RC3H1: variants seen among roughly 807,000 people sequenced by gnomAD.
RC3H1 encodes roquin-1.
In RC3H1, 50 loss-of-function variants were observed where a neutral mutation model predicts 138.2. That is an observed-to-expected ratio of 0.36 (90% confidence interval 0.29 to 0.46). The LOEUF (loss-of-function observed/expected upper bound fraction) is 0.46, where lower values mean the gene tolerates loss of function less well. Among genes scored for constraint, RC3H1 ranks in the 20% least tolerant of loss-of-function variants. The pLI, the probability that RC3H1 is intolerant of heterozygous loss-of-function variation, is 1.00. For missense variants in RC3H1, 1,031 were observed against 1,388.1 expected, an observed-to-expected ratio of 0.74 and a Z score of 4.09; for synonymous variants, 462 against 489.1, an observed-to-expected ratio of 0.94 and a Z score of 0.73.
intron 13 of RC3H1, among the ~76,000 whole-genome samples, chr1:173,952,361 G>C (rs1416083167): frequency 7.1e-5 from 8 of 112,024 alleles, no homozygotes; most frequent in South Asian, 2.8e-4. Context: ...TTAGCTTTCA[G>C]GTTTTTTTTT....
chr1:173,948,605 TTTTG>T (rs766386698), intron 14 of RC3H1, among the ~76,000 whole-genome samples: 16 of 152,072 alleles, frequency 1.1e-4, no homozygotes, highest in Non-Finnish European at 1.8e-4. Flanking sequence ...GATTGCAACT[TTTTG>T]TTTGTTTGTT....
At chr1:173,951,622 G>A (rs1309594938) in intron 14 of RC3H1, among the ~76,000 whole-genome samples, 3 of 151,958 alleles carry the variant, frequency 2.0e-5, no homozygotes, top group Non-Finnish European at 2.9e-5. Flanking sequence ...CTCACTGCAC[G>A]CTCTGGCCTC....
intron 1 of RC3H1, among the ~76,000 whole-genome samples, chr1:174,006,992 G>A (rs1367910386): frequency 6.6e-6 from 1 of 151,704 alleles, no homozygotes; most frequent in Non-Finnish European, 1.5e-5. Context: ...ATCTCAAAAG[G>A]CCCCCCCTCA....
intron 14 of RC3H1, among the ~76,000 whole-genome samples, chr1:173,949,170 A>T (rs1432577276): frequency 2.1e-5 from 3 of 145,958 alleles, no homozygotes; most frequent in African/African-American, 7.6e-5. Flanking sequence ...TATTTATGCT[A>T]TTAGATATCA....
At chr1:173,988,034 C>T (rs1661102790) in intron 2 of RC3H1, among the ~76,000 whole-genome samples, 1 of 152,172 alleles carries the variant, frequency 6.6e-6, no homozygotes, top group Non-Finnish European at 1.5e-5. Context: ...TAATATCTTT[C>T]TCTATCTTTA....
At chr1:173,993,311 C>A (rs1354485539) in intron 1 of RC3H1, among the ~76,000 whole-genome samples, 176 bp from the exon 2 acceptor site, 1 of 143,484 alleles carries the variant, frequency 7.0e-6, no homozygotes, top group Non-Finnish European at 1.5e-5. Flanking sequence ...TATTTCCATT[C>A]CCTCATTTTA....
intron 7 of RC3H1, among the ~76,000 whole-genome samples, chr1:173,976,393 CA>C (rs1330943843): frequency 7.3e-5 from 11 of 150,688 alleles, no homozygotes. Flanking sequence ...GCAGAGGTTG[CA>C]GTGAACCGAG....
chr1:173,998,020 T>C (rs1661497000), intron 1 of RC3H1, among the ~76,000 whole-genome samples: 1 of 152,140 alleles, frequency 6.6e-6, no homozygotes, highest in Non-Finnish European at 1.5e-5. Flanking sequence ...ACAAAAGACA[T>C]GATTTACTAA....
chr1:173,983,801 A>T, intron 3 of RC3H1, 144 bp from the exon 4 acceptor site: 1 of 746,470 alleles, frequency 1.3e-6, no homozygotes, highest in Non-Finnish European at 2.2e-6. Context: ...ATAAAACCAC[A>T]CATGTAAAGC....
rs1471774782 is a variant in RC3H1 at position 173,938,852 on chromosome 1, C to T, written c.3271G>A (p.Ala1091Thr). The T allele has an allele frequency of 2.5e-6, 4 of 1,611,494 alleles. No individual in the cohort carries two copies. The highest frequency in any genetic ancestry group is 3.4e-6 in the Non-Finnish European group (4 of 1,178,708). ...AGGCTGATATTCTCTTGTGTCAAGG[C>T]TGATCCATTTGGTACATCACTGCTG... is the stretch of plus-strand genomic sequence containing the variant. ...LTFSDVPNGS[A>T]LTQENISLLS... is the part of the protein sequence containing the mutation. The change falls in exon 20 of 20, where the codon GCC becomes ACC. Residue 1091 changes from alanine to threonine, a missense_variant. Around this residue, in one of 7 missense-constraint regions of RC3H1, gnomAD observed 716 missense variants for 837.9 expected, o/e 0.85. Transcript: ENST00000367696.
chr1:173,955,095 G>A (rs1659574767), intron 13 of RC3H1, among the ~76,000 whole-genome samples: 1 of 150,514 alleles, frequency 6.6e-6, no homozygotes, highest in South Asian at 2.1e-4. Flanking sequence ...GCGTGGTGGC[G>A]GGCGCCTGTA....
rs1397249876 is a variant in RC3H1, at chr1:173,985,945, AAC to A, written c.232-1328_232-1327del. ...TTGCCTAGTAAACTTTATTTTGTAG[AAC>A]AGTTTTAGATTTACAGAAAAATGGC... On this transcript the variant is annotated intron_variant, in intron 2 of 19. Coordinates refer to ENST00000367696, the MANE Select transcript of RC3H1 (RefSeq NM_172071.4). Among the ~76,000 whole-genome samples, 3 of 152,310 alleles carry A rather than the reference AAC, an allele frequency of 2.0e-5. No homozygotes were observed. In the East Asian group the frequency reaches 5.8e-4, roughly 29 times the overall value.
intron 2 of RC3H1, among the ~76,000 whole-genome samples, chr1:173,988,054 A>C (rs953846599): frequency 6.6e-6 from 1 of 152,182 alleles, no homozygotes; most frequent in Non-Finnish European, 1.5e-5. Flanking sequence ...AATCTTACAC[A>C]ATCTACCTTT....
At chr1:174,017,810 A>AAAAAAAAAAAAAAAAAAAAC (rs1661889930) in intron 1 of RC3H1, among the ~76,000 whole-genome samples, 1 of 146,124 alleles carries the variant, frequency 6.8e-6, no homozygotes, top group African/African-American at 2.5e-5. Flanking sequence ...AAAAAAAAAA[A>AAAAAAAAAAAAAAAAAAAAC]CTGCTACCAT....
At chr1:173,956,902 G>A (rs954980137) in intron 13 of RC3H1, among the ~76,000 whole-genome samples, 1 of 151,862 alleles carries the variant, frequency 6.6e-6, no homozygotes, top group Non-Finnish European at 1.5e-5. Flanking sequence ...TACACAGGTT[G>A]TTTTATTTAT....
Position 173,943,526 on chromosome 1 carries a change from A to C in RC3H1, c.3051T>G (p.Pro1017=). The change falls in exon 18 of 20, where the codon CCT becomes CCG. Residue 1017 remains proline (P), a synonymous_variant. Coordinates refer to ENST00000367696, the MANE Select transcript of RC3H1 (RefSeq NM_172071.4). ...QPPPPPPPKW[P]GMISSEQLSL... ...TCAACTGCTCACTTGAGATCATCCC[A>C]GGCCATTTTGGAGGTGGCGGTGGTG... 1 of 1,614,128 alleles carries C rather than the reference A, an allele frequency of 6.2e-7. No homozygotes were observed.
At chr1:173,947,613 C>T in intron 14 of RC3H1, 31 bp from the exon 15 acceptor site, 1 of 1,560,820 alleles carries the variant, frequency 6.4e-7, no homozygotes, top group Non-Finnish European at 8.8e-7. Flanking sequence ...GAAATTACCC[C>T]ACACTCAGAT....
rs1378445539 is a variant in RC3H1 at position 174,015,408 on chromosome 1, G to T, written c.-151+6688C>A. Among the ~76,000 whole-genome samples, 8 of 151,458 alleles carry T rather than the reference G, an allele frequency of 5.3e-5. No individual in the cohort carries two copies. The East Asian group carries it at 1.4e-3, about 26-fold the overall frequency. ...AGACAAGTCTCGCTCTGTCGCCCAG[G>T]CTGGAGTGCAGTGGCATGATTTCAG... On this transcript the variant is annotated intron_variant, in intron 1 of 19. Coordinates refer to ENST00000367696, the MANE Select transcript of RC3H1 (RefSeq NM_172071.4).
intron 2 of RC3H1, among the ~76,000 whole-genome samples, chr1:173,987,278 T>C (rs1661066978): frequency 6.6e-6 from 1 of 152,258 alleles, no homozygotes; most frequent in Non-Finnish European, 1.5e-5. Context: ...TTTGGAATTC[T>C]GCACGGGAGA....
Sources: allele counts gnomAD v4.1 joint callset (sites outside exome capture counted in the v4.1 genomes callset), GRCh38; gene constraint gnomAD v4.1.1; regional missense constraint gnomAD v4.1.1; transcripts MANE v1.5; gene names NCBI Gene and HGNC (gene_info 2026-07-23, HGNC 2026-07-21).